LPP: variants seen among roughly 807,000 people sequenced by gnomAD.
LPP encodes the protein lipoma-preferred partner.
LPP carries 38 observed loss-of-function variants against 60.4 expected under a neutral mutation model. That is an observed-to-expected ratio of 0.63 (90% CI 0.49 to 0.83). LPP has a LOEUF of 0.83. LPP is among the 40% of genes least tolerant of loss of function. The pLI, the probability that LPP is intolerant of heterozygous loss-of-function variation, is 0.00. For missense variants in LPP, 902 were observed against 783.6 expected (o/e 1.15, Z -1.80); for synonymous variants, 328 against 290.8 (o/e 1.13, Z -1.30).
At chr3:188,497,084 GT>G (rs1391255467) in intron 5 of LPP, among the ~76,000 whole-genome samples, 1 of 151,306 alleles carries the variant, frequency 6.6e-6, no homozygotes. Context: ...AAGTTTTGTG[GT>G]TTTTTTTGAA....
At chr3:188,432,331 C>T (rs1212118969) in intron 4 of LPP, among the ~76,000 whole-genome samples, 1 of 152,150 alleles carries the variant, frequency 6.6e-6, no homozygotes, top group Non-Finnish European at 1.5e-5. Flanking sequence ...CCGATATCTA[C>T]TATATCTGTG....
intron 6 of LPP, among the ~76,000 whole-genome samples, chr3:188,527,315 G>A (rs1321057935): frequency 4.2e-5 from 6 of 142,596 alleles, no homozygotes; most frequent in African/African-American, 1.3e-4. Flanking sequence ...ACGCCACTGC[G>A]CTCCAGCCTG....
At chr3:188,709,704 T>G (rs536793060) in intron 8 of LPP, 1 of 152,276 alleles carries the variant, frequency 6.6e-6, no homozygotes, top group East Asian at 1.9e-4. Flanking sequence ...AATACTTTGG[T>G]AAAGAATTGG....
chr3:188,636,660 C>G (rs1848855885), intron 7 of LPP, among the ~76,000 whole-genome samples: 1 of 152,132 alleles, frequency 6.6e-6, no homozygotes, highest in South Asian at 2.1e-4. Flanking sequence ...ATGTCCCTGT[C>G]TGACAGCTTT....
intron 4 of LPP, among the ~76,000 whole-genome samples, chr3:188,409,255 C>T (rs926378788): frequency 6.6e-6 from 1 of 152,044 alleles, no homozygotes; most frequent in Non-Finnish European, 1.5e-5. Context: ...TCTCTCTCCC[C>T]CTCTCTCTAA....
intron 6 of LPP, among the ~76,000 whole-genome samples, chr3:188,591,648 C>G (rs1166901057): frequency 1.3e-5 from 2 of 152,118 alleles, no homozygotes. Context: ...TCCTTTATGC[C>G]CTTCATAAGC....
intron 2 of LPP, among the ~76,000 whole-genome samples, chr3:188,331,897 A>C (rs1760183786): frequency 6.6e-6 from 1 of 152,198 alleles, no homozygotes; most frequent in African/African-American, 2.4e-5. Context: ...ATAATATTAA[A>C]TTCCAAGACT....
intron 6 of LPP, among the ~76,000 whole-genome samples, chr3:188,581,323 C>T: frequency 6.6e-6 from 1 of 152,200 alleles, no homozygotes; most frequent in South Asian, 2.1e-4. Context: ...GGCATTTTAC[C>T]TCGGGCACAC....
At chr3:188,645,586 C>T (rs1434369348) in intron 7 of LPP, among the ~76,000 whole-genome samples, 1 of 152,066 alleles carries the variant, frequency 6.6e-6, no homozygotes, top group African/African-American at 2.4e-5. Flanking sequence ...CGCAGTAATA[C>T]CTACAGTGTG....
rs751158740 is a variant in LPP, at chr3:188,866,301, G to T, written c.1512G>T (p.Met504Ile). Residue 504 changes from methionine (M) to isoleucine (I), a missense_variant, in exon 10 of 12, where the codon ATG becomes ATT. Physicochemically the swap from Met to Ile is conservative, Grantham distance 10 (BLOSUM62 1). Coordinates refer to ENST00000617246, the MANE Select transcript of LPP (RefSeq NM_001375462.1). ...ATCCTCACTGTTTCACCTGCGTGAT[G>T]TGCCACCGCAGCCTGGATGGGATCC... ...AYHPHCFTCVMCHRSLDGIPF... is the reference protein window; with the variant it reads ...AYHPHCFTCVICHRSLDGIPF... 6.3e-7 allele frequency: 1 copy of T among 1,591,036 alleles called. No homozygotes were observed. Among genetic ancestry groups the T allele is most frequent in the South Asian group, 1.1e-5 (1 of 87,608 alleles).
intron 3 of LPP, among the ~76,000 whole-genome samples, chr3:188,393,831 G>T (rs896899978): frequency 6.6e-6 from 1 of 152,002 alleles, no homozygotes; most frequent in Non-Finnish European, 1.5e-5. Context: ...TACCAATTTT[G>T]TTTTTTTCTT....
chr3:188,777,158 A>G (rs1295226750), intron 9 of LPP, among the ~76,000 whole-genome samples: 1 of 152,194 alleles, frequency 6.6e-6, no homozygotes, highest in Non-Finnish European at 1.5e-5. Context: ...TTCATTTGAT[A>G]TTCACAACAA....
chr3:188,866,658 G>A (rs1310627809), intron 10 of LPP, among the ~76,000 whole-genome samples: 1 of 152,152 alleles, frequency 6.6e-6, no homozygotes, highest in East Asian at 1.9e-4. Flanking sequence ...CAGCTATAGT[G>A]TGTATGTGTT....
chr3:188,523,314 T>G (rs1430728004), intron 5 of LPP, among the ~76,000 whole-genome samples: 2 of 152,212 alleles, frequency 1.3e-5, no homozygotes, highest in Non-Finnish European at 2.9e-5. Context: ...TTGATGTTAC[T>G]GTGCTTGAGA....
chr3:188,391,563 C>G (rs141213759), intron 3 of LPP, among the ~76,000 whole-genome samples: 6 of 152,188 alleles, frequency 3.9e-5, no homozygotes, highest in Non-Finnish European at 7.4e-5. Context: ...CAGGGTGTTT[C>G]ACAGAAGTAA....
Position 188,876,998 on chromosome 3 carries a change from G to A in LPP, c.*2519G>A, listed in dbSNP as rs1769322323. 1 of 175,868 alleles carries A rather than the reference G, an allele frequency of 5.7e-6. No homozygotes were observed. Among genetic ancestry groups the A allele is most frequent in the Non-Finnish European group, 1.2e-5 (1 of 81,644 alleles). The allele number at this position is 175,868 out of a possible 1,614,324, so 10.9% of individuals were successfully genotyped here. A position where few individuals can be genotyped will look rare whatever the true frequency, so the allele number is the denominator to read the frequency against. Reference sequence around the variant, plus strand: ...GTTTTTAAAGTAAATCTCTTTTTAAGATAGACTTATTCTTTTATAATAATG... The same window carrying A: ...GTTTTTAAAGTAAATCTCTTTTTAAAATAGACTTATTCTTTTATAATAATG... On this transcript the variant is annotated 3_prime_UTR_variant, in exon 12 of 12. Coordinates refer to ENST00000617246, the MANE Select transcript of LPP (RefSeq NM_001375462.1).
At chr3:188,735,193 G>A (rs1300675228) in intron 8 of LPP, among the ~76,000 whole-genome samples, 5 of 151,878 alleles carry the variant, frequency 3.3e-5, no homozygotes, top group Non-Finnish European at 7.4e-5. Flanking sequence ...GTTGTTCTGT[G>A]TTTGTTTCAG....
intron 7 of LPP, among the ~76,000 whole-genome samples, chr3:188,679,607 T>A (rs1859016476): frequency 6.6e-6 from 1 of 151,918 alleles, no homozygotes. Flanking sequence ...TTGACCACTA[T>A]GAGGAACTGG....
At chr3:188,703,491 C>T (rs1864890512) in intron 7 of LPP, among the ~76,000 whole-genome samples, 1 of 152,106 alleles carries the variant, frequency 6.6e-6, no homozygotes, top group Admixed American at 6.5e-5. Context: ...ACGGAGGAAC[C>T]CTGTGTTTCT....
Sources: allele counts gnomAD v4.1 joint callset (sites outside exome capture counted in the v4.1 genomes callset), GRCh38; gene constraint gnomAD v4.1.1; transcripts MANE v1.5; gene names NCBI Gene and HGNC (gene_info 2026-07-23, HGNC 2026-07-21).